PPP2R2B: variants seen among roughly 807,000 people sequenced by gnomAD.
PPP2R2B encodes the protein protein phosphatase 2 regulatory subunit Bbeta.
In PPP2R2B, 5 loss-of-function variants were observed where a neutral mutation model predicts 46.0. The ratio of observed to expected loss-of-function variants is 0.11; its 90% CI spans 0.06 to 0.23. PPP2R2B has a LOEUF of 0.23. Ranked by LOEUF, PPP2R2B falls within the 10% of genes least tolerant of loss-of-function variation. The pLI, the probability that PPP2R2B is intolerant of heterozygous loss-of-function variation, is 1.00. For missense variants in PPP2R2B, 367 were observed against 575.0 expected (o/e 0.64, Z 3.70); for synonymous variants, 215 against 206.7 (o/e 1.04, Z -0.34).
chr5:146,878,150 G>A lies in PPP2R2B; in HGVS notation c.-79C>T. 6.2e-7 allele frequency: 1 copy of A among 1,609,108 alleles called. No homozygotes were observed. Among genetic ancestry groups the A allele is most frequent in the Non-Finnish European group, 8.5e-7 (1 of 1,177,524 alleles). Reference sequence around the variant, plus strand: ...ATCCCTCCCCGCAGCCAGTCTCACAGGAGAGGGGGGCAGGGGAGCCAGTGG... The same window carrying A: ...ATCCCTCCCCGCAGCCAGTCTCACAAGAGAGGGGGGCAGGGGAGCCAGTGG... On this transcript the variant is annotated 5_prime_UTR_variant, in exon 2 of 10. Coordinates refer to ENST00000394411, the MANE Select transcript of PPP2R2B (RefSeq NM_181675.4). The surrounding 1 kb of genome is among the most constrained non-coding windows in gnomAD (Gnocchi z 4.5).
chr5:147,032,471 C>T (rs952081835), intron 1 of PPP2R2B, among the ~76,000 whole-genome samples: 12 of 152,108 alleles, frequency 7.9e-5, no homozygotes, highest in African/African-American at 1.9e-4. Flanking sequence ...AAGCAGTACA[C>T]TCTGCACCAT....
In PPP2R2B at chr5:146,582,311, A is replaced by G. The variant is rs879395107; in HGVS notation, c.*7636T>C. On this transcript the variant is annotated 3_prime_UTR_variant, in exon 10 of 10. Coordinates refer to ENST00000394411, the MANE Select transcript of PPP2R2B (RefSeq NM_181675.4). ...GTGCTGCAGCCTGGGTGTGGGGGCAATATCTTGGATGTGATAATGTTGCTT... is the reference window on the plus strand; with the variant it reads ...GTGCTGCAGCCTGGGTGTGGGGGCAGTATCTTGGATGTGATAATGTTGCTT... 3.0e-4 allele frequency: 46 copies of G among 152,280 alleles called. No homozygotes were observed. Among genetic ancestry groups the G allele is most frequent in the Admixed American group, 1.6e-3 (25 of 15,282 alleles). 9.4% of individuals were successfully genotyped at this position (152,280 alleles called of 1,614,324 possible).
chr5:146,706,697 C>G, intron 2 of PPP2R2B: 1 of 871,876 alleles, frequency 1.1e-6, no homozygotes. Context: ...TGTTCCGGTT[C>G]ATCTCAGAGA....
chr5:146,704,614 T>C (rs1372429937), intron 2 of PPP2R2B, among the ~76,000 whole-genome samples: 2 of 152,186 alleles, frequency 1.3e-5, no homozygotes, highest in Non-Finnish European at 2.9e-5. Context: ...AAGGAAACCC[T>C]GGGTAGTGTG....
intron 7 of PPP2R2B, among the ~76,000 whole-genome samples, chr5:146,624,480 C>T (rs1042159463): frequency 2.0e-5 from 3 of 152,144 alleles, no homozygotes; most frequent in Non-Finnish European, 2.9e-5. Context: ...TCAATTCAAT[C>T]TCACCATTTC....
At chr5:146,619,189 A>G (rs1207802300) in intron 7 of PPP2R2B, among the ~76,000 whole-genome samples, 3 of 152,006 alleles carry the variant, frequency 2.0e-5, no homozygotes, top group Non-Finnish European at 4.4e-5. Flanking sequence ...GCAATAGGGA[A>G]CAGTAGGGAC....
In PPP2R2B at chr5:146,701,178, G is replaced by A. The variant is rs774640353; in HGVS notation, c.71-36C>T. On this transcript the variant is annotated intron_variant, in intron 2 of 9. Coordinates refer to ENST00000394411, the MANE Select transcript of PPP2R2B (RefSeq NM_181675.4). Reference sequence around the variant, plus strand: ...GAAGACAAAGGCAATTTAAGTAACTGCACACTTACTTTGAAAGGATAGATA... The same window carrying A: ...GAAGACAAAGGCAATTTAAGTAACTACACACTTACTTTGAAAGGATAGATA... The A allele has an allele frequency of 3.4e-6, 5 of 1,477,692 alleles. No homozygotes were observed. The East Asian group carries it at 1.1e-4, about 33-fold the overall frequency. 91.5% of individuals were successfully genotyped at this position (1,477,692 alleles called of 1,614,324 possible).
intron 2 of PPP2R2B, among the ~76,000 whole-genome samples, chr5:146,833,610 T>C (rs1234746540): frequency 6.6e-6 from 1 of 152,210 alleles, no homozygotes; most frequent in African/African-American, 2.4e-5. Flanking sequence ...GAATGACATG[T>C]TGAAACAGTT....
At chr5:146,638,198 A>G in intron 7 of PPP2R2B, 53 bp downstream of exon 7, 1 of 1,571,172 alleles carries the variant, frequency 6.4e-7, no homozygotes, top group Non-Finnish European at 8.7e-7. Flanking sequence ...GCTCTCCCCC[A>G]GCACATTGGG....
Position 146,586,030 on chromosome 5 carries a change from G to C in PPP2R2B, c.*3917C>G, listed in dbSNP as rs1581644559. 6.6e-6 allele frequency: 1 copy of C among 152,308 alleles called. No homozygotes were observed. Among genetic ancestry groups the C allele is most frequent in the East Asian group, 1.9e-4 (1 of 5,180 alleles). 9.4% of individuals were successfully genotyped at this position (152,308 alleles called of 1,614,324 possible). On this transcript the variant is annotated 3_prime_UTR_variant, in exon 10 of 10. Transcript: ENST00000394411. ...CTGAGAGTTGACTTAGAAGTTCAGG[G>C]GGAAGAGGTGGATGAAGGCATGTTG... is the stretch of plus-strand genomic sequence containing the variant.
chr5:146,784,788 G>A (rs1009129979), intron 2 of PPP2R2B, among the ~76,000 whole-genome samples: 1 of 152,140 alleles, frequency 6.6e-6, no homozygotes, highest in African/African-American at 2.4e-5. Flanking sequence ...AGAAAAGAAG[G>A]TTCTATTATG....
intron 2 of PPP2R2B, among the ~76,000 whole-genome samples, chr5:147,068,264 A>G (rs1200158730): frequency 6.6e-6 from 1 of 152,196 alleles, no homozygotes; most frequent in Non-Finnish European, 1.5e-5. Context: ...AGGAGAAACT[A>G]CTACTTTCCC....
chr5:146,879,273 G>A (rs1762084292), upstream of PPP2R2B: 1 of 151,774 alleles, frequency 6.6e-6, no homozygotes, highest in Non-Finnish European at 1.5e-5. Context: ...GGGATCAGGG[G>A]CCAGAACTTT....
chr5:146,753,023 A>C (rs919103378), intron 2 of PPP2R2B, among the ~76,000 whole-genome samples: 1 of 152,182 alleles, frequency 6.6e-6, no homozygotes, highest in African/African-American at 2.4e-5. Context: ...TATGACTTCA[A>C]ATTTTTCATG....
intron 2 of PPP2R2B, among the ~76,000 whole-genome samples, chr5:146,738,309 C>T (rs567347549): frequency 2.4e-4 from 35 of 146,898 alleles, no homozygotes; most frequent in African/African-American, 7.3e-4. Context: ...GGCAGGAGAA[C>T]GGCATGAACT....
chr5:146,975,005 T>C (rs1752835363), intron 1 of PPP2R2B, among the ~76,000 whole-genome samples: 1 of 152,164 alleles, frequency 6.6e-6, no homozygotes, highest in South Asian at 2.1e-4. Flanking sequence ...TTAAATTTCA[T>C]AAGTTTAAAA....
At chr5:146,872,473 C>T (rs2151412564) in intron 2 of PPP2R2B, among the ~76,000 whole-genome samples, 1 of 152,218 alleles carries the variant, frequency 6.6e-6, no homozygotes, top group East Asian at 1.9e-4. Flanking sequence ...ATGACACTAC[C>T]CCCTTTTATT....
chr5:146,788,944 G>A (rs1756018647), intron 2 of PPP2R2B, among the ~76,000 whole-genome samples: 2 of 152,112 alleles, frequency 1.3e-5, no homozygotes, highest in African/African-American at 4.8e-5. Context: ...CCAGCACCTG[G>A]CACAAACATT....
chr5:146,878,897 C>T, upstream of PPP2R2B: 1 of 1,151,606 alleles, frequency 8.7e-7, no homozygotes, highest in Admixed American at 3.7e-5. The surrounding 1 kb of genome is among the most constrained non-coding windows in gnomAD (Gnocchi z 4.5). Flanking sequence ...GCGCATGCAG[C>T]CGCGAATCGG....
Sources: allele counts gnomAD v4.1 joint callset (sites outside exome capture counted in the v4.1 genomes callset), GRCh38; gene constraint gnomAD v4.1.1; non-coding constraint Gnocchi (gnomAD v3.1); transcripts MANE v1.5; gene names NCBI Gene and HGNC (gene_info 2026-07-23, HGNC 2026-07-21).